UGT3A1: variants seen among roughly 807,000 people sequenced by gnomAD.
UGT3A1 encodes the protein UDP-glycosyltransferase 3A1.
UGT3A1 carries 40 observed loss-of-function variants against 37.6 expected under a neutral mutation model. The ratio of observed to expected loss-of-function variants is 1.06; its 90% CI spans 0.83 to 1.38. The LOEUF (loss-of-function observed/expected upper bound fraction) is 1.38, where lower values mean the gene tolerates loss of function less well. Among genes scored for constraint, UGT3A1 ranks in the 40% most tolerant of loss-of-function variants. UGT3A1 has a pLI of 0.00. For synonymous variants in UGT3A1, 256 were observed against 232.3 expected (o/e 1.10, Z -0.93); for missense variants, 642 against 634.2 (o/e 1.01, Z -0.13).
chr5:35,972,637 G>A lies in UGT3A1; in HGVS notation c.197-4504C>T, dbSNP rs557498317. On this transcript the variant is annotated intron_variant, in intron 2 of 6. Coordinates refer to ENST00000274278, the MANE Select transcript of UGT3A1 (RefSeq NM_152404.4). ...TCAAATATTGATTATATTTGAAACC[G>A]ATAACTCTTTTCAGTGGTAAAGAGG... is the stretch of plus-strand genomic sequence containing the variant. 1.3e-3 allele frequency among the ~76,000 whole-genome samples: 198 copies of A among 151,852 alleles called. 2 individuals carry two copies. In the Middle Eastern group the frequency reaches 0.034, roughly 26 times the overall value.
chr5:35,978,432 G>C (rs1740381310), intron 2 of UGT3A1, among the ~76,000 whole-genome samples: 2 of 152,140 alleles, frequency 1.3e-5, no homozygotes, highest in African/African-American at 4.8e-5. Flanking sequence ...CACATGGCTG[G>C]AGAGACCTCA....
intron 2 of UGT3A1, among the ~76,000 whole-genome samples, chr5:35,981,891 C>T (rs1014931162): frequency 6.6e-6 from 1 of 152,226 alleles, no homozygotes; most frequent in African/African-American, 2.4e-5. Flanking sequence ...GTTTTGTGGG[C>T]TAGGCCCAGG....
intron 2 of UGT3A1, among the ~76,000 whole-genome samples, chr5:35,976,750 T>G (rs1431468082): frequency 6.6e-6 from 1 of 151,808 alleles, no homozygotes; most frequent in Non-Finnish European, 1.5e-5. Flanking sequence ...GTAAGAGGAT[T>G]GCTTTAGCCC....
At chr5:35,990,989 C>T in intron 1 of UGT3A1, 158 bp downstream of exon 1, 2 of 1,560,912 alleles carry the variant, frequency 1.3e-6, no homozygotes, top group East Asian at 4.5e-5. Context: ...CCCCTCTCTG[C>T]CCCACGGCTA....
At chr5:35,976,583 TA>T (rs1187734650) in intron 2 of UGT3A1, among the ~76,000 whole-genome samples, 1 of 152,170 alleles carries the variant, frequency 6.6e-6, no homozygotes, top group Non-Finnish European at 1.5e-5. Context: ...CTCATGTCTG[TA>T]ATCCCAGCAC....
intron 2 of UGT3A1, among the ~76,000 whole-genome samples, chr5:35,974,215 T>C (rs1403368584): frequency 6.6e-6 from 1 of 152,168 alleles, no homozygotes; most frequent in East Asian, 1.9e-4. Flanking sequence ...AAAATAATTA[T>C]ATTTTTCAGA....
At chr5:35,985,167 T>C (rs1038521730) in intron 2 of UGT3A1, among the ~76,000 whole-genome samples, 4 of 146,178 alleles carry the variant, frequency 2.7e-5, no homozygotes, top group African/African-American at 1.0e-4. Context: ...ATGTAAAAGA[T>C]ATATATGGAA....
intron 2 of UGT3A1, among the ~76,000 whole-genome samples, chr5:35,976,676 C>CA (rs938554489): frequency 2.6e-5 from 4 of 151,792 alleles, no homozygotes; most frequent in African/African-American, 7.3e-5. Flanking sequence ...ACCGACTCTA[C>CA]AAAAAATAAA....
At chr5:35,959,081 A>C (rs577874434) in intron 4 of UGT3A1, among the ~76,000 whole-genome samples, 1 of 152,208 alleles carries the variant, frequency 6.6e-6, no homozygotes, top group Non-Finnish European at 1.5e-5. Context: ...TGGGAAATTA[A>C]GGCATTCAAA....
Position 35,991,380 on chromosome 5 carries a change from C to G in UGT3A1, c.-140G>C. The G allele has an allele frequency of 6.8e-7, 1 of 1,478,508 alleles. No homozygotes were observed. Among genetic ancestry groups the G allele is most frequent in the Non-Finnish European group, 9.0e-7 (1 of 1,114,564 alleles). The allele number at this position is 1,478,508 out of a possible 1,614,324, so 91.6% of individuals were successfully genotyped here. A position where few individuals can be genotyped will look rare whatever the true frequency, so the allele number is the denominator to read the frequency against. ...GTAGGAGACGGATCCTGCCAATTCTCTCGCCCTTCTGTTCGTTCTCTTTCC... is the reference window on the plus strand; with the variant it reads ...GTAGGAGACGGATCCTGCCAATTCTGTCGCCCTTCTGTTCGTTCTCTTTCC... On this transcript the variant is annotated 5_prime_UTR_variant, in exon 1 of 7. Coordinates refer to ENST00000274278, the MANE Select transcript of UGT3A1 (RefSeq NM_152404.4).
intron 2 of UGT3A1, among the ~76,000 whole-genome samples, chr5:35,983,347 G>C (rs1740605014): frequency 6.6e-6 from 1 of 152,062 alleles, no homozygotes; most frequent in African/African-American, 2.4e-5. Flanking sequence ...CCATGACTGA[G>C]CAATCAAGAA....
intron 6 of UGT3A1, 27 bp from the exon 7 acceptor site, chr5:35,954,505 T>G (rs751964908): frequency 6.2e-7 from 1 of 1,609,306 alleles, no homozygotes; most frequent in Non-Finnish European, 8.5e-7. Context: ...AGAGGGTGTG[T>G]TACTGACGTA....
chr5:35,975,739 C>T (rs1580942927), intron 2 of UGT3A1, among the ~76,000 whole-genome samples: 2 of 151,850 alleles, frequency 1.3e-5, no homozygotes, highest in South Asian at 2.1e-4. Flanking sequence ...TACATGTGCA[C>T]AACGTGCAGG....
In UGT3A1 at chr5:35,965,595, T is replaced by C. The variant is rs1252604201; in HGVS notation, c.634A>G (p.Arg212Gly). Reference sequence around the variant, plus strand: ...GTAGACTGCATGTCCCATTGGCTCCTGGAGAAACTAAAGAACATCAGAAAA... The same window carrying C: ...GTAGACTGCATGTCCCATTGGCTCCCGGAGAAACTAAAGAACATCAGAAAA... ...KNFLMFFSFSRSQWDMQSTFD... is the reference protein window; with the variant it reads ...KNFLMFFSFSGSQWDMQSTFD... The change falls in exon 4 of 7, where the codon AGG (arginine) becomes GGG (glycine). Residue 212 changes from arginine to glycine, a missense_variant. Arg to Gly is a moderately radical substitution (Grantham distance 125, BLOSUM62 -2). Coordinates refer to ENST00000274278, the MANE Select transcript of UGT3A1 (RefSeq NM_152404.4). The C allele has an allele frequency of 6.2e-7, 1 of 1,613,940 alleles. No homozygotes were observed. Among genetic ancestry groups the C allele is most frequent in the South Asian group, 1.1e-5 (1 of 91,082 alleles).
upstream of UGT3A1, among the ~76,000 whole-genome samples, chr5:35,996,231 T>C (rs950357651): frequency 1.3e-5 from 2 of 152,142 alleles, no homozygotes; most frequent in Non-Finnish European, 2.9e-5. Flanking sequence ...GGCAGGAGAA[T>C]GCAACTCAGG....
intron 2 of UGT3A1, among the ~76,000 whole-genome samples, chr5:35,987,733 A>T (rs772015777): frequency 6.6e-6 from 1 of 152,214 alleles, no homozygotes; most frequent in Non-Finnish European, 1.5e-5. Context: ...TCAAAGCTTC[A>T]GAAACCCTCA....
chr5:35,954,800 T>A (rs1439248383), intron 6 of UGT3A1: 1 of 296,698 alleles, frequency 3.4e-6, no homozygotes, highest in African/African-American at 2.1e-5. Context: ...TATATGACCA[T>A]ATATGAGAGA....
chr5:35,994,525 G>A (rs1401800109), upstream of UGT3A1, among the ~76,000 whole-genome samples: 13 of 152,074 alleles, frequency 8.5e-5, no homozygotes, highest in Non-Finnish European at 1.8e-4. Flanking sequence ...TGAGGGTGAT[G>A]GAGAGAAGCA....
At chr5:35,971,744 T>C (rs1319068376) in intron 2 of UGT3A1, among the ~76,000 whole-genome samples, 1 of 152,082 alleles carries the variant, frequency 6.6e-6, no homozygotes, top group Non-Finnish European at 1.5e-5. Context: ...CAGAGAGGTA[T>C]TTTTCTGGGA....
Sources: allele counts gnomAD v4.1 joint callset (sites outside exome capture counted in the v4.1 genomes callset), GRCh38; gene constraint gnomAD v4.1.1; transcripts MANE v1.5; gene names NCBI Gene and HGNC (gene_info 2026-07-23, HGNC 2026-07-21).